Variants in LIMCH1 observed in about 807,000 individuals in gnomAD.
The protein encoded by LIMCH1 is LIM and calponin homology domains-containing protein 1.
LIMCH1 carries 113 observed loss-of-function variants against 176.5 expected under a neutral mutation model. The ratio of observed to expected loss-of-function variants is 0.64; its 90% CI spans 0.55 to 0.75. The LOEUF is 0.75. Ranked by LOEUF, LIMCH1 falls within the 30% of genes least tolerant of loss-of-function variation. The pLI is 0.00. For missense variants in LIMCH1, 1,674 were observed against 1,814.9 expected, an observed-to-expected ratio of 0.92 and a Z score of 1.41; for synonymous variants, 619 against 645.9, an observed-to-expected ratio of 0.96 and a Z score of 0.63.
intron 23 of LIMCH1, among the ~76,000 whole-genome samples, chr4:41,677,812 C>T (rs1243164291): frequency 1.3e-5 from 2 of 152,112 alleles, no homozygotes; most frequent in East Asian, 3.8e-4. Context: ...CCTTCTACTA[C>T]ATTCCCACTA....
chr4:41,600,797 T>TA (rs541946869), intron 2 of LIMCH1, among the ~76,000 whole-genome samples: 20 of 150,716 alleles, frequency 1.3e-4, no homozygotes, highest in South Asian at 4.2e-4. Flanking sequence ...AACTGACTTG[T>TA]AAAAAAAAAG....
chr4:41,474,367 G>C (rs2067420504), intron 1 of LIMCH1, among the ~76,000 whole-genome samples: 1 of 151,706 alleles, frequency 6.6e-6, no homozygotes, highest in African/African-American at 2.4e-5. Flanking sequence ...GGCACCTGTA[G>C]TCCCAGCTAC....
chr4:41,631,566 T>G (rs890762839), intron 10 of LIMCH1, 89 bp downstream of exon 10: 3 of 1,080,870 alleles, frequency 2.8e-6, no homozygotes, highest in Non-Finnish European at 3.9e-6. Context: ...TACAAGCCCC[T>G]AGAGATGACA....
At chr4:41,547,893 AT>A (rs1449533165) in intron 1 of LIMCH1, among the ~76,000 whole-genome samples, 9 of 143,106 alleles carry the variant, frequency 6.3e-5, no homozygotes, top group South Asian at 2.2e-4. Context: ...ATATATATAT[AT>A]ATAAACAGTG....
intron 1 of LIMCH1, among the ~76,000 whole-genome samples, chr4:41,445,719 T>A (rs2063213818): frequency 6.6e-6 from 1 of 152,198 alleles, no homozygotes; most frequent in South Asian, 2.1e-4. Flanking sequence ...AAATAGAAAT[T>A]AATTTTGCAC....
rs1348327130 is a variant in LIMCH1, at chr4:41,598,663, TG to T, written c.-240-255del. On this transcript the variant is annotated intron_variant, in intron 1 of 31. Coordinates refer to ENST00000503057, the MANE Select transcript of LIMCH1 (RefSeq NM_001330672.2). ...AACAATGCTAAGTTTTCCTTTTTAA[TG>T]GCATTTTACTTGCAGTTTTATACAA... Among the ~76,000 whole-genome samples the T allele has an allele frequency of 3.9e-5, 6 of 152,320 alleles. No individual in the cohort carries two copies. In the South Asian group the frequency reaches 1.2e-3, roughly 32 times the overall value.
chr4:41,676,786 A>G (rs968015873), intron 23 of LIMCH1, among the ~76,000 whole-genome samples: 1 of 152,166 alleles, frequency 6.6e-6, no homozygotes, highest in African/African-American at 2.4e-5. Context: ...AGCAGTGGGA[A>G]TGAATTATCT....
At chr4:41,652,901 C>T (rs2094349747) in intron 18 of LIMCH1, among the ~76,000 whole-genome samples, 1 of 152,186 alleles carries the variant, frequency 6.6e-6, no homozygotes, top group African/African-American at 2.4e-5. Context: ...TCAGAAAAGC[C>T]TGGGAGTCTT....
chr4:41,494,308 T>TATATATACACACATAC (rs1468604120), intron 1 of LIMCH1, among the ~76,000 whole-genome samples: 63 of 149,242 alleles, frequency 4.2e-4, no homozygotes, highest in Non-Finnish European at 4.2e-4. Context: ...TATATAATTA[T>TATATATACACACATAC]ATATATACAC....
rs1336061238 is a variant in LIMCH1, at chr4:41,613,806, A to G, written c.205+145A>G. 4.2e-6 allele frequency: 3 copies of G among 717,342 alleles called. No individual in the cohort carries two copies. The African/African-American group carries it at 5.3e-5, about 13-fold the overall frequency. The allele number at this position is 717,342 out of a possible 1,614,324, so 44.4% of individuals were successfully genotyped here. A position where few individuals can be genotyped will look rare whatever the true frequency, so the allele number is the denominator to read the frequency against. ...TAGTAATTCTATAAACTGGCAGAAA[A>G]AAGAAGTCTTTGAATGTTGTTTTTC... On this transcript the variant is annotated intron_variant, in intron 5 of 31. Transcript: ENST00000503057.
intron 2 of LIMCH1, among the ~76,000 whole-genome samples, chr4:41,601,572 G>A (rs1028109032): frequency 5.3e-5 from 8 of 152,306 alleles, no homozygotes; most frequent in African/African-American, 1.2e-4. Flanking sequence ...GGACATGTGT[G>A]GTGGGCGTGG....
rs74623515 is a variant in LIMCH1 at position 41,369,161 on chromosome 4, C to T, written c.96+8225C>T. 1.2e-3 allele frequency among the ~76,000 whole-genome samples: 189 copies of T among 152,284 alleles called. 1 individual carries two copies. Among genetic ancestry groups the T allele is most frequent in the African/African-American group, 4.4e-3 (183 of 41,562 alleles). The stretch of plus-strand genomic sequence containing the variant: ...TCCTTGACTGAGATTCCTTTCAACA[C>T]TTGAACTACCATTCTTAGACCCCCT... On this transcript the variant is annotated intron_variant, in intron 1 of 26. Coordinates refer to the LIMCH1 transcript ENST00000313860.
intron 2 of LIMCH1, among the ~76,000 whole-genome samples, chr4:41,517,482 C>T (rs984514716): frequency 2.6e-5 from 4 of 152,130 alleles, no homozygotes; most frequent in African/African-American, 7.2e-5. Context: ...CCTTCTAAAG[C>T]TCCTATGATC....
intron 1 of LIMCH1, among the ~76,000 whole-genome samples, chr4:41,397,088 A>G (rs1425129808): frequency 1.3e-5 from 2 of 152,036 alleles, no homozygotes; most frequent in Non-Finnish European, 2.9e-5. Context: ...CTGGTTATTT[A>G]TTAGTTAAGG....
intron 18 of LIMCH1, among the ~76,000 whole-genome samples, chr4:41,655,678 T>C (rs1642004105): frequency 6.6e-6 from 1 of 152,132 alleles, no homozygotes; most frequent in South Asian, 2.1e-4. Flanking sequence ...CAGCTCTTTT[T>C]TTTTTCGTCT....
At chr4:41,437,042 C>A (rs2154139181) in intron 1 of LIMCH1, among the ~76,000 whole-genome samples, 1 of 152,262 alleles carries the variant, frequency 6.6e-6, no homozygotes, top group Middle Eastern at 3.4e-3. Context: ...AGAAGGCTTT[C>A]CAGAAGGCCT....
In LIMCH1 at chr4:41,631,520, C is replaced by A; in HGVS notation, c.1601+43C>A. ...TGTGCAAGGATATCTGCATGGGAGT[C>A]ACTGCTGCTTTTGTAGAGTTTGCTG... On this transcript the variant is annotated intron_variant, in intron 10 of 31. Coordinates refer to ENST00000503057, the MANE Select transcript of LIMCH1 (RefSeq NM_001330672.2). 3 of 1,422,880 alleles carry A rather than the reference C, an allele frequency of 2.1e-6. No homozygotes were observed. In the South Asian group the frequency reaches 4.3e-5, roughly 21 times the overall value. 88.1% of individuals were successfully genotyped at this position (1,422,880 alleles called of 1,614,324 possible).
intron 9 of LIMCH1, 73 bp from the exon 10 acceptor site, chr4:41,631,075 T>TG: frequency 7.7e-7 from 1 of 1,305,068 alleles, no homozygotes; most frequent in Non-Finnish European, 1.0e-6. Flanking sequence ...GTTTTTTTTT[T>TG]TGTTTTTTTT....
chr4:41,473,253 T>C, intron 1 of LIMCH1: 11 of 928,684 alleles, frequency 1.2e-5, no homozygotes, highest in Non-Finnish European at 1.4e-5. Context: ...TTGACTTTGC[T>C]CAGGTTTGTC....
Sources: allele counts gnomAD v4.1 joint callset (sites outside exome capture counted in the v4.1 genomes callset), GRCh38; gene constraint gnomAD v4.1.1; transcripts MANE v1.5; gene names NCBI Gene and HGNC (gene_info 2026-07-23, HGNC 2026-07-21).